The following KCNN2 variants were observed in gnomAD, a reference collection of about 807,000 sequenced individuals.
The protein encoded by KCNN2 is small conductance calcium-activated potassium channel protein 2.
A neutral mutation model predicts 55.5 loss-of-function variants in KCNN2; 24 were observed. The observed-to-expected ratio is 0.43, with a 90% confidence interval of 0.31 to 0.61. KCNN2 has a LOEUF of 0.61. Among genes scored for constraint, KCNN2 ranks in the 20% least tolerant of loss-of-function variants. The probability of loss-of-function intolerance (pLI) is 0.08; values close to 1 mark genes in which losing one functional copy is unlikely to be tolerated. For missense variants in KCNN2, 754 were observed against 853.6 expected (o/e 0.88, Z 1.45); for synonymous variants, 431 against 336.1 (o/e 1.28, Z -3.09).
chr5:114,406,902 G>C (rs1196959613), intron 3 of KCNN2, among the ~76,000 whole-genome samples: 1 of 152,108 alleles, frequency 6.6e-6, no homozygotes, highest in Non-Finnish European at 1.5e-5. Context: ...GGAGTCTTTA[G>C]TCTTCTCTCA....
chr5:114,287,697 A>G (rs574202279), intron 2 of KCNN2, among the ~76,000 whole-genome samples: 40 of 151,976 alleles, frequency 2.6e-4, no homozygotes, highest in Admixed American at 1.2e-3. Context: ...GTAAACCGCC[A>G]TGGCACATGT....
intron 1 of KCNN2, among the ~76,000 whole-genome samples, chr5:114,121,407 A>G (rs953688812): frequency 6.6e-6 from 1 of 152,108 alleles, no homozygotes; most frequent in African/African-American, 2.4e-5. Flanking sequence ...TGTACACAGG[A>G]TGAGCTCAGG....
rs180703130 is a variant in KCNN2, at chr5:114,480,549, C to A, written c.1891-6501C>A. Among the ~76,000 whole-genome samples the A allele has an allele frequency of 6.1e-4, 93 of 152,074 alleles. 3 individuals carry two copies. Among genetic ancestry groups the A allele is most frequent in the African/African-American group, 2.2e-3 (92 of 41,502 alleles). On this transcript the variant is annotated intron_variant, in intron 5 of 7. Coordinates refer to ENST00000673685, the MANE Select transcript of KCNN2 (RefSeq NM_021614.4). ...CTGATACCAAAATCCGGCAGAGATACAACAAAAAAAGAAAACTTCTAGTCA... is the reference window on the plus strand; with the variant it reads ...CTGATACCAAAATCCGGCAGAGATAAAACAAAAAAAGAAAACTTCTAGTCA...
rs116755257 is a variant in KCNN2, at chr5:114,475,616, C to T, written c.1890+2452C>T. On this transcript the variant is annotated intron_variant, in intron 5 of 7. Coordinates refer to ENST00000673685, the MANE Select transcript of KCNN2 (RefSeq NM_021614.4). ...GGATCAAGAGCTAAAGAATCACATT[C>T]GAGTATTCCAAAGATTTTAAGCTTT... is the stretch of plus-strand genomic sequence containing the variant. 3.4e-3 allele frequency among the ~76,000 whole-genome samples: 519 copies of T among 151,962 alleles called. 2 individuals are homozygous for T. The highest frequency in any genetic ancestry group is 0.012 in the African/African-American group (491 of 41,556).
intron 2 of KCNN2, among the ~76,000 whole-genome samples, chr5:114,249,286 C>T (rs77907590): frequency 2.7e-4 from 27 of 101,472 alleles, no homozygotes; most frequent in Non-Finnish European, 3.6e-4. Flanking sequence ...TTCTTTCTTT[C>T]TTTCTTTTTT....
intron 3 of KCNN2, among the ~76,000 whole-genome samples, chr5:114,421,868 C>G (rs1181427795): frequency 1.3e-5 from 2 of 152,224 alleles, no homozygotes; most frequent in African/African-American, 2.4e-5. Flanking sequence ...CCTCGGCCTC[C>G]CAAAGTGTTT....
intron 5 of KCNN2, among the ~76,000 whole-genome samples, chr5:114,481,510 A>G (rs982347999): frequency 2.0e-5 from 3 of 152,214 alleles, no homozygotes; most frequent in Non-Finnish European, 2.9e-5. Flanking sequence ...TTAAACTACC[A>G]TTGCCATTCT....
At chr5:114,438,559 A>G (rs1385391348) in intron 3 of KCNN2, among the ~76,000 whole-genome samples, 1 of 152,224 alleles carries the variant, frequency 6.6e-6, no homozygotes, top group African/African-American at 2.4e-5. Context: ...GGAAGGTGCC[A>G]TAATGTTCCC....
intron 3 of KCNN2, among the ~76,000 whole-genome samples, chr5:114,442,044 A>G (rs903453186): frequency 2.0e-5 from 3 of 152,178 alleles, no homozygotes; most frequent in Non-Finnish European, 4.4e-5. Context: ...CATTTCTCAA[A>G]CACAAATTAA....
intron 1 of KCNN2, among the ~76,000 whole-genome samples, chr5:114,088,925 T>A (rs535423273): frequency 2.9e-4 from 44 of 152,324 alleles, no homozygotes; most frequent in Non-Finnish European, 5.4e-4. Flanking sequence ...CCAGCCACAT[T>A]TTTTATTTTA....
chr5:114,216,984 T>C (rs780592582), intron 1 of KCNN2, among the ~76,000 whole-genome samples: 5 of 152,162 alleles, frequency 3.3e-5, no homozygotes, highest in Admixed American at 2.0e-4. Context: ...ATGTGGAATG[T>C]GAAATTTAAA....
intron 1 of KCNN2, among the ~76,000 whole-genome samples, chr5:114,072,996 T>G (rs1339412892): frequency 6.6e-6 from 1 of 152,254 alleles, no homozygotes; most frequent in African/African-American, 2.4e-5. Flanking sequence ...TGTGGATTAC[T>G]CTAAGTGATT....
chr5:114,326,229 T>C (rs1756711768), intron 2 of KCNN2, among the ~76,000 whole-genome samples: 1 of 152,134 alleles, frequency 6.6e-6, no homozygotes, highest in African/African-American at 2.4e-5. Context: ...TCTGCCTAGG[T>C]ACATGTGAGG....
chr5:114,215,411 T>C (rs890514051), intron 1 of KCNN2, among the ~76,000 whole-genome samples: 13 of 152,142 alleles, frequency 8.5e-5, no homozygotes, highest in Admixed American at 1.3e-4. Context: ...AGTTACTTTT[T>C]TTCATTGTGA....
intron 2 of KCNN2, among the ~76,000 whole-genome samples, chr5:114,284,030 C>T (rs1467969238): frequency 6.6e-6 from 1 of 152,208 alleles, no homozygotes; most frequent in Non-Finnish European, 1.5e-5. Context: ...GGATATTCTT[C>T]AGGTTCTCTG....
intron 1 of KCNN2, among the ~76,000 whole-genome samples, chr5:114,154,387 C>A (rs1394258738): frequency 6.6e-6 from 1 of 151,966 alleles, no homozygotes; most frequent in African/African-American, 2.4e-5. Flanking sequence ...TGCTCTAGGG[C>A]TCTGTGTGAG....
At chr5:114,121,120 C>T (rs1340249142) in intron 1 of KCNN2, among the ~76,000 whole-genome samples, 9 of 152,220 alleles carry the variant, frequency 5.9e-5, no homozygotes. Flanking sequence ...GCATGGGCCT[C>T]CGTCTCCTTT....
intron 1 of KCNN2, among the ~76,000 whole-genome samples, chr5:114,085,635 T>C (rs1750999995): frequency 6.6e-6 from 1 of 152,058 alleles, no homozygotes; most frequent in Admixed American, 6.6e-5. Flanking sequence ...CTTTTTAAAA[T>C]TTATTGAGAC....
chr5:114,195,832 A>T (rs1198620968), intron 1 of KCNN2, among the ~76,000 whole-genome samples: 2 of 151,978 alleles, frequency 1.3e-5, no homozygotes, highest in African/African-American at 4.8e-5. Context: ...GGTTTTTTGT[A>T]GATGCCTTAT....
Sources: gnomAD v4.1 joint callset for allele counts (sites outside exome capture counted in the v4.1 genomes callset) on GRCh38, gnomAD v4.1.1 for gene constraint, MANE v1.5 for transcripts, NCBI Gene and HGNC (gene_info 2026-07-23, HGNC 2026-07-21) for gene names.